The following NDST4 variants were observed in gnomAD, a reference collection of about 807,000 sequenced individuals.
NDST4 encodes N-deacetylase and N-sulfotransferase 4.
NDST4 carries 63 observed loss-of-function variants against 100.8 expected under a neutral mutation model. The ratio of observed to expected loss-of-function variants is 0.62; its 90% CI spans 0.51 to 0.77. The LOEUF (loss-of-function observed/expected upper bound fraction) is 0.77. NDST4 is among the 30% of genes least tolerant of loss of function. NDST4 has a pLI of 0.00. For synonymous variants in NDST4, 377 were observed against 361.8 expected, an observed-to-expected ratio of 1.04 and a Z score of -0.48; for missense variants, 943 against 1,018.4, an observed-to-expected ratio of 0.93 and a Z score of 1.01.
rs1222525124 is a variant in NDST4, at chr4:114,922,574, T to C, written c.1536+12632A>G. 5.3e-5 allele frequency among the ~76,000 whole-genome samples: 8 copies of C among 152,306 alleles called. No homozygotes were observed. The South Asian group carries it at 1.7e-3, about 32-fold the overall frequency. ...CCTTTTGTTCCTGCTCTAAAGCTTTTTAACAAACGTTCCCTCCTGCTCTGA... is the reference window on the plus strand; with the variant it reads ...CCTTTTGTTCCTGCTCTAAAGCTTTCTAACAAACGTTCCCTCCTGCTCTGA... On this transcript the variant is annotated intron_variant, in intron 6 of 13. Coordinates refer to ENST00000264363, the MANE Select transcript of NDST4 (RefSeq NM_022569.3).
At chr4:115,020,350 G>A (rs188605081) in intron 2 of NDST4, among the ~76,000 whole-genome samples, 7 of 152,154 alleles carry the variant, frequency 4.6e-5, no homozygotes, top group African/African-American at 1.2e-4. Context: ...TAATTGTATC[G>A]AAGTCCAAAG....
At chr4:114,888,633 T>A (rs1724528965) in intron 6 of NDST4, among the ~76,000 whole-genome samples, 1 of 152,234 alleles carries the variant, frequency 6.6e-6, no homozygotes. Context: ...CTCAGGTTCT[T>A]AACCATAGTT....
chr4:115,095,485 A>G (rs1038159024), intron 1 of NDST4, among the ~76,000 whole-genome samples: 2 of 152,134 alleles, frequency 1.3e-5, no homozygotes, highest in Non-Finnish European at 2.9e-5. Flanking sequence ...CTATTGGGTC[A>G]GGAAATTGGT....
At chr4:115,008,734 A>G (rs1727476150) in intron 2 of NDST4, among the ~76,000 whole-genome samples, 1 of 127,610 alleles carries the variant, frequency 7.8e-6, no homozygotes, top group African/African-American at 3.0e-5. Context: ...GGAAAAGAGG[A>G]AGTCAAATTG....
At chr4:114,999,767 A>T (rs1727245732) in intron 2 of NDST4, among the ~76,000 whole-genome samples, 1 of 152,046 alleles carries the variant, frequency 6.6e-6, no homozygotes, top group Non-Finnish European at 1.5e-5. Context: ...TGTATCCTAA[A>T]ATATGGAAGT....
intron 1 of NDST4, among the ~76,000 whole-genome samples, chr4:115,098,170 C>A (rs941945118): frequency 2.0e-5 from 3 of 152,124 alleles, no homozygotes; most frequent in Non-Finnish European, 4.4e-5. Flanking sequence ...TTATTCTGTT[C>A]TGTACCTTTT....
intron 2 of NDST4, among the ~76,000 whole-genome samples, chr4:115,075,302 G>A (rs1049264738): frequency 6.6e-6 from 1 of 152,114 alleles, no homozygotes; most frequent in African/African-American, 2.4e-5. Context: ...ATTATAGAAA[G>A]GTCTTGTGCT....
intron 11 of NDST4, among the ~76,000 whole-genome samples, chr4:114,837,859 G>A (rs1253042831): frequency 6.6e-6 from 1 of 152,124 alleles, no homozygotes; most frequent in African/African-American, 2.4e-5. Flanking sequence ...CTTCTGCACA[G>A]CAAAAGAAAC....
chr4:115,023,115 A>C (rs1727895788), intron 2 of NDST4, among the ~76,000 whole-genome samples: 1 of 152,120 alleles, frequency 6.6e-6, no homozygotes, highest in South Asian at 2.1e-4. Flanking sequence ...GTGAGGGCTA[A>C]AAGACTACAA....
At position 114,928,775 on chromosome 4, in the gene NDST4, A is replaced by G. The variant is rs1404089291; in HGVS notation, c.1536+6431T>C. ...TAAAACAAAAAAGCTAAGTAAAAGG[A>G]ATTTCCTTCTGCTTGACTGCCTTCA... On this transcript the variant is annotated intron_variant, in intron 6 of 13. Coordinates refer to ENST00000264363, the MANE Select transcript of NDST4 (RefSeq NM_022569.3). Among the ~76,000 whole-genome samples the G allele has an allele frequency of 2.0e-5, 3 of 152,190 alleles. No homozygotes were observed. In the East Asian group the frequency reaches 5.8e-4, roughly 29 times the overall value.
At chr4:115,056,332 G>A (rs1358306712) in intron 2 of NDST4, among the ~76,000 whole-genome samples, 1 of 152,074 alleles carries the variant, frequency 6.6e-6, no homozygotes, top group Non-Finnish European at 1.5e-5. Flanking sequence ...AACAGGGTGA[G>A]ACCCTGTCTC....
At chr4:114,832,027 A>G (rs1379935288) in intron 12 of NDST4, among the ~76,000 whole-genome samples, 1 of 152,178 alleles carries the variant, frequency 6.6e-6, no homozygotes, top group Non-Finnish European at 1.5e-5. Flanking sequence ...ATTAAAAACG[A>G]CATATTTTGT....
chr4:115,105,519 A>G (rs1373621807), intron 1 of NDST4, among the ~76,000 whole-genome samples: 1 of 152,252 alleles, frequency 6.6e-6, no homozygotes, highest in East Asian at 1.9e-4. Flanking sequence ...TATGTTGACC[A>G]GTCTTCCAGC....
intron 2 of NDST4, among the ~76,000 whole-genome samples, chr4:115,048,216 A>C (rs1328250049): frequency 1.3e-5 from 2 of 152,032 alleles, no homozygotes; most frequent in African/African-American, 2.4e-5. Context: ...AGACTTTTTA[A>C]GCATCTATTT....
chr4:114,856,571 A>G (rs549838155), intron 7 of NDST4, among the ~76,000 whole-genome samples: 1 of 152,286 alleles, frequency 6.6e-6, no homozygotes, highest in African/African-American at 2.4e-5. Context: ...TCTCAATATC[A>G]TTTTATTCTA....
intron 12 of NDST4, 33 bp downstream of exon 12, chr4:114,833,573 T>C (rs1723246613): frequency 7.3e-7 from 1 of 1,369,388 alleles, no homozygotes; most frequent in Non-Finnish European, 1.0e-6. Context: ...TGGCAAATAA[T>C]GGAAATGAAA....
intron 2 of NDST4, among the ~76,000 whole-genome samples, chr4:115,019,411 C>T (rs1230251283): frequency 6.6e-6 from 1 of 151,988 alleles, no homozygotes; most frequent in Non-Finnish European, 1.5e-5. Flanking sequence ...GCCAGGTGAC[C>T]CAGCCTAATC....
chr4:115,072,898 A>C (rs912802311), intron 2 of NDST4, among the ~76,000 whole-genome samples: 3 of 152,014 alleles, frequency 2.0e-5, no homozygotes, highest in Admixed American at 6.6e-5. Context: ...ACAACATATG[A>C]AATGGGAGAA....
chr4:114,860,882 A>T (rs1349335796), intron 7 of NDST4, among the ~76,000 whole-genome samples: 1 of 152,232 alleles, frequency 6.6e-6, no homozygotes, highest in Non-Finnish European at 1.5e-5. Context: ...CAAGATAAAA[A>T]CAAAATTTCA....
Sources: allele counts gnomAD v4.1 joint callset (sites outside exome capture counted in the v4.1 genomes callset), GRCh38; gene constraint gnomAD v4.1.1; transcripts MANE v1.5; gene names NCBI Gene and HGNC (gene_info 2026-07-23, HGNC 2026-07-21).